The following PIBF1 variants were observed in gnomAD, a reference collection of about 807,000 sequenced individuals.
PIBF1 encodes the protein progesterone-induced-blocking factor 1.
PIBF1 carries 90 observed loss-of-function variants against 112.5 expected under a neutral mutation model. That is an observed-to-expected ratio of 0.80 (90% CI 0.67 to 0.95). The LOEUF is 0.95. Ranked by LOEUF, PIBF1 falls within the 40% of genes least tolerant of loss-of-function variation. The pLI, the probability that PIBF1 is intolerant of heterozygous loss-of-function variation, is 0.00. For synonymous variants in PIBF1, 301 were observed against 288.6 expected (o/e 1.04, Z -0.44); for missense variants, 915 against 852.3 (o/e 1.07, Z -0.92).
At chr13:72,901,741 C>T (rs1296637572) in intron 11 of PIBF1, among the ~76,000 whole-genome samples, 1 of 150,858 alleles carries the variant, frequency 6.6e-6, no homozygotes, top group Admixed American at 6.6e-5. Flanking sequence ...GATCAGGGAA[C>T]ACTTCTACGT....
intron 2 of PIBF1, among the ~76,000 whole-genome samples, chr13:72,790,508 CACATAGATAG>C (rs767350250): frequency 4.8e-4 from 64 of 132,426 alleles, no homozygotes; most frequent in African/African-American, 1.7e-3. Context: ...ATCACACACA[CACATAGATAG>C]ATAGATAGAT....
chr13:72,960,519 C>A (rs1198061615), intron 14 of PIBF1, among the ~76,000 whole-genome samples: 1 of 152,182 alleles, frequency 6.6e-6, no homozygotes, highest in African/African-American at 2.4e-5. Flanking sequence ...ATAATTGAGA[C>A]TGCTGCTGTT....
At chr13:72,973,971 C>T (rs1185276635) in intron 16 of PIBF1, 7 of 380,560 alleles carry the variant, frequency 1.8e-5, no homozygotes, top group Non-Finnish European at 3.2e-5. Flanking sequence ...CCTTAGTGTG[C>T]CTCTCGTCTT....
chr13:72,906,814 G>A (rs2040720207), intron 11 of PIBF1, among the ~76,000 whole-genome samples: 1 of 151,992 alleles, frequency 6.6e-6, no homozygotes, highest in African/African-American at 2.4e-5. Flanking sequence ...GTTTTGCAGG[G>A]GGAGGTGGGG....
At chr13:72,920,389 G>A (rs143214620) in intron 13 of PIBF1, among the ~76,000 whole-genome samples, 3 of 152,288 alleles carry the variant, frequency 2.0e-5, no homozygotes, top group Admixed American at 6.5e-5. Context: ...GAACATTTAT[G>A]CATTCCTTCA....
intron 10 of PIBF1, among the ~76,000 whole-genome samples, chr13:72,875,200 C>T (rs2039344026): frequency 1.3e-5 from 2 of 152,040 alleles, no homozygotes; most frequent in Admixed American, 1.3e-4. Flanking sequence ...TAGTAGTGTG[C>T]ATTTAAGGTT....
chr13:72,904,429 A>ATTTTTTTTTTTTTTTT (rs1240090172), intron 11 of PIBF1, among the ~76,000 whole-genome samples: 19 of 51,106 alleles, frequency 3.7e-4, no homozygotes, highest in South Asian at 7.3e-4. Context: ...ATATCAAAAT[A>ATTTTTTTTTTTTTTTT]TTTCTTTTTT....
Position 72,793,141 on chromosome 13 carries a change from T to C in PIBF1, c.353+594T>C, listed in dbSNP as rs1272142585. Among the ~76,000 whole-genome samples, 6 of 152,220 alleles carry C rather than the reference T, an allele frequency of 3.9e-5. No individual in the cohort carries two copies. The South Asian group carries it at 1.2e-3, about 31-fold the overall frequency. ...TTCTTCCTAAATGTCTTTTAGGATC[T>C]CATGCCATTGTAAAGAAATTGAACT... On this transcript the variant is annotated intron_variant, in intron 3 of 17. Coordinates refer to ENST00000326291, the MANE Select transcript of PIBF1 (RefSeq NM_006346.4).
chr13:72,808,001 C>T (rs1010179631), intron 5 of PIBF1, among the ~76,000 whole-genome samples: 117 of 152,144 alleles, frequency 7.7e-4, no homozygotes, highest in Middle Eastern at 3.4e-3. Context: ...TTCCATTTGT[C>T]AGTAATTTCT....
At chr13:72,878,785 G>A (rs1167650683) in intron 10 of PIBF1, among the ~76,000 whole-genome samples, 3 of 151,968 alleles carry the variant, frequency 2.0e-5, no homozygotes, top group African/African-American at 7.2e-5. Flanking sequence ...CGTGTATTTT[G>A]ACATCTGTTC....
intron 16 of PIBF1, among the ~76,000 whole-genome samples, chr13:72,982,901 C>T (rs1484333558): frequency 2.0e-5 from 3 of 152,146 alleles, no homozygotes; most frequent in African/African-American, 7.2e-5. Context: ...GAAAGTAGGC[C>T]ATAGGAAGTC....
At chr13:72,881,856 A>G (rs948819922) in intron 10 of PIBF1, among the ~76,000 whole-genome samples, 2 of 152,178 alleles carry the variant, frequency 1.3e-5, no homozygotes, top group Non-Finnish European at 2.9e-5. Context: ...TAAAATGTCC[A>G]TACTTACCCA....
At chr13:72,930,557 A>G in intron 13 of PIBF1, among the ~76,000 whole-genome samples, 1 of 152,216 alleles carries the variant, frequency 6.6e-6, no homozygotes, top group East Asian at 1.9e-4. Context: ...TTTAAATACT[A>G]AAGGTCAGTG....
chr13:72,950,650 G>T (rs978183236), intron 14 of PIBF1, among the ~76,000 whole-genome samples: 2 of 152,166 alleles, frequency 1.3e-5, no homozygotes, highest in African/African-American at 4.8e-5. Flanking sequence ...TGTTTGTTAA[G>T]TGTTAAGCAG....
chr13:73,015,819 G>A lies in PIBF1; in HGVS notation c.2224-50G>A, dbSNP rs774200316. 6.8e-6 allele frequency: 8 copies of A among 1,168,944 alleles called. No individual in the cohort carries two copies. In the East Asian group the frequency reaches 2.0e-4, roughly 29 times the overall value. The allele number at this position is 1,168,944 out of a possible 1,614,324, so 72.4% of individuals were successfully genotyped here. On this transcript the variant is annotated intron_variant, in intron 17 of 17. Coordinates refer to ENST00000326291, the MANE Select transcript of PIBF1 (RefSeq NM_006346.4). Reference sequence around the variant, plus strand: ...TATAGTTCTCTGAGTTGCCTCTCTTGTCCTCCTTGTAAGCATTTTATTGGA... The same window carrying A: ...TATAGTTCTCTGAGTTGCCTCTCTTATCCTCCTTGTAAGCATTTTATTGGA...
chr13:72,827,313 A>G (rs2036863738), intron 7 of PIBF1, among the ~76,000 whole-genome samples, 195 bp downstream of exon 7: 2 of 129,146 alleles, frequency 1.5e-5, no homozygotes, highest in Admixed American at 2.0e-4. Flanking sequence ...CAGTGGTGCG[A>G]TCTTGGCTCA....
intron 10 of PIBF1, among the ~76,000 whole-genome samples, chr13:72,863,750 AGG>A: frequency 6.6e-6 from 1 of 152,334 alleles, no homozygotes; most frequent in Admixed American, 6.5e-5. Context: ...TAATTTATTA[AGG>A]ATTGTCTTAA....
intron 11 of PIBF1, among the ~76,000 whole-genome samples, chr13:72,903,685 T>C (rs1475514613): frequency 1.3e-5 from 2 of 152,174 alleles, no homozygotes; most frequent in Non-Finnish European, 2.9e-5. Flanking sequence ...AACCAGAGCA[T>C]ACACATCCTT....
intron 9 of PIBF1, among the ~76,000 whole-genome samples, chr13:72,842,848 A>G (rs911756714): frequency 1.3e-5 from 2 of 152,204 alleles, no homozygotes; most frequent in Admixed American, 1.3e-4. Context: ...ATCTTCTCAA[A>G]TATTTTAAAT....
Sources: allele counts gnomAD v4.1 joint callset (sites outside exome capture counted in the v4.1 genomes callset), GRCh38; gene constraint gnomAD v4.1.1; transcripts MANE v1.5; gene names NCBI Gene and HGNC (gene_info 2026-07-23, HGNC 2026-07-21).